Variants in OXR1 observed in about 807,000 individuals in gnomAD.
OXR1 encodes the protein oxidation resistance 1.
OXR1 carries 41 observed loss-of-function variants against 104.6 expected under a neutral mutation model. That is an observed-to-expected ratio of 0.39 (90% CI 0.31 to 0.51). OXR1 has a LOEUF of 0.51. Among genes scored for constraint, OXR1 ranks in the 20% least tolerant of loss-of-function variants. The probability of loss-of-function intolerance (pLI) is 0.77; values close to 1 mark genes in which losing one functional copy is unlikely to be tolerated. For missense variants in OXR1, 955 were observed against 1,031.9 expected, an observed-to-expected ratio of 0.93 and a Z score of 1.02; for synonymous variants, 348 against 348.4, an observed-to-expected ratio of 1.00 and a Z score of 0.01.
intron 6 of OXR1, among the ~76,000 whole-genome samples, chr8:106,690,072 T>C (rs1256237805): frequency 1.3e-5 from 2 of 150,952 alleles, no homozygotes; most frequent in Admixed American, 6.6e-5. Flanking sequence ...TATTATATGT[T>C]ATATATAAAA....
At chr8:106,644,913 T>A (rs894362108) in intron 3 of OXR1, among the ~76,000 whole-genome samples, 1 of 152,248 alleles carries the variant, frequency 6.6e-6, no homozygotes, top group Non-Finnish European at 1.5e-5. Flanking sequence ...TGGAGAATTT[T>A]AATTTTTTAA....
intron 3 of OXR1, among the ~76,000 whole-genome samples, chr8:106,673,492 GT>G (rs1254212195): frequency 6.6e-6 from 1 of 152,184 alleles, no homozygotes; most frequent in Non-Finnish European, 1.5e-5. Flanking sequence ...GAGCTAAAAA[GT>G]TTGGACAACT....
chr8:106,570,803 T>C (rs9643024), intron 3 of OXR1, among the ~76,000 whole-genome samples: 96,495 of 151,970 alleles, frequency 0.63, 30,961 homozygotes, highest in South Asian at 0.75. Context: ...CTGTGAACAG[T>C]TGGGAACTTG....
At chr8:106,419,391 GAGTCTGTC>G (rs1818813449) in intron 2 of OXR1, among the ~76,000 whole-genome samples, 2 of 152,286 alleles carry the variant, frequency 1.3e-5, no homozygotes, top group Admixed American at 1.3e-4. Context: ...GTCACATGAT[GAGTCTGTC>G]AGCAGATCTG....
chr8:106,288,900 G>A lies in OXR1; in HGVS notation c.-139+18533G>A, dbSNP rs181277271. Among the ~76,000 whole-genome samples, 107 of 151,986 alleles carry A rather than the reference G, an allele frequency of 7.0e-4. 1 individual carries two copies. The highest frequency in any genetic ancestry group is 1.6e-3 in the Admixed American group (24 of 15,244). ...ATTCATTCGTTCTTTCATTCAGCAA[G>A]TATGTCGATTGTGCACTCTTTGCCA... is the stretch of plus-strand genomic sequence containing the variant. On this transcript the variant is annotated intron_variant, in intron 1 of 16. Coordinates refer to ENST00000517566, the MANE Select transcript of OXR1 (RefSeq NM_001198533.2).
At chr8:106,392,388 T>G (rs1363067871) in intron 2 of OXR1, among the ~76,000 whole-genome samples, 3 of 152,168 alleles carry the variant, frequency 2.0e-5, no homozygotes, top group Non-Finnish European at 4.4e-5. Context: ...TAAGTAAAGA[T>G]GTCAAGTAGG....
chr8:106,543,663 A>G (rs1380236067), intron 3 of OXR1, among the ~76,000 whole-genome samples: 1 of 152,204 alleles, frequency 6.6e-6, no homozygotes, highest in African/African-American at 2.4e-5. Flanking sequence ...CTACAAAGCT[A>G]TGGAAAGGGC....
intron 2 of OXR1, among the ~76,000 whole-genome samples, chr8:106,413,724 CTTT>C (rs147530944): frequency 8.2e-5 from 6 of 73,494 alleles, no homozygotes; most frequent in Admixed American, 1.4e-4. Context: ...GCTGTATCTA[CTTT>C]TTTTTTTTTT....
At chr8:106,685,343 A>G (rs1216269667) in intron 6 of OXR1, among the ~76,000 whole-genome samples, 1 of 152,182 alleles carries the variant, frequency 6.6e-6, no homozygotes, top group African/African-American at 2.4e-5. Flanking sequence ...TTCAAACCCT[A>G]AAGCAGAATG....
rs543630150 is a variant in OXR1, at chr8:106,346,101, C to A, written c.-138-13375C>A. Among the ~76,000 whole-genome samples the A allele has an allele frequency of 2.5e-5, 3 of 120,158 alleles. 1 individual carries two copies. The South Asian group carries it at 1.0e-3, about 41-fold the overall frequency. 78.8% of individuals were successfully genotyped at this position (120,158 alleles called of 152,430 possible). On this transcript the variant is annotated intron_variant, in intron 1 of 16. Coordinates refer to ENST00000517566, the MANE Select transcript of OXR1 (RefSeq NM_001198533.2). ...TGGGGTTGCAGCAGTTTATTCCACCCCCCCTACCGCCGCCAGTGAATTGAA... is the reference window on the plus strand; with the variant it reads ...TGGGGTTGCAGCAGTTTATTCCACCACCCCTACCGCCGCCAGTGAATTGAA...
In OXR1 at chr8:106,743,818, T is replaced by A. The variant is rs896610332; in HGVS notation, c.2412+1501T>A. ...TGCACACAAATGTTCATTGTAGCAC[T>A]ATTCACAATAGCAAAGACATGGAAT... is the stretch of plus-strand genomic sequence containing the variant. On this transcript the variant is annotated intron_variant, in intron 15 of 16. Transcript: ENST00000517566. Among the ~76,000 whole-genome samples the A allele has an allele frequency of 7.2e-5, 11 of 152,216 alleles. 1 individual carries two copies. The South Asian group carries it at 2.3e-3, about 32-fold the overall frequency.
intron 2 of OXR1, among the ~76,000 whole-genome samples, chr8:106,450,552 C>T (rs1347789199): frequency 3.3e-5 from 5 of 152,104 alleles, no homozygotes; most frequent in South Asian, 2.1e-4. Context: ...TTGCCTAGGA[C>T]ATTCTCCCTA....
At chr8:106,591,121 G>A (rs1440590131) in intron 3 of OXR1, among the ~76,000 whole-genome samples, 10 of 151,804 alleles carry the variant, frequency 6.6e-5, no homozygotes. Flanking sequence ...AAAAGGATGA[G>A]TTCTTGTCCT....
At chr8:106,360,106 G>A (rs1215316642) in intron 2 of OXR1, among the ~76,000 whole-genome samples, 1 of 151,994 alleles carries the variant, frequency 6.6e-6, no homozygotes, top group Non-Finnish European at 1.5e-5. Flanking sequence ...AGAAAAATTT[G>A]TTATAGATGC....
chr8:106,699,734 T>C (rs777886989), intron 7 of OXR1, among the ~76,000 whole-genome samples: 4 of 152,210 alleles, frequency 2.6e-5, no homozygotes, highest in Non-Finnish European at 4.4e-5. Context: ...TCCCTTGTTA[T>C]AGGCTGGCTC....
intron 7 of OXR1, among the ~76,000 whole-genome samples, chr8:106,694,200 G>C (rs1050202521): frequency 1.3e-5 from 2 of 151,416 alleles, no homozygotes; most frequent in Non-Finnish European, 2.9e-5. Context: ...TGTGTGCACT[G>C]TAAGAGACAC....
intron 2 of OXR1, among the ~76,000 whole-genome samples, chr8:106,461,456 A>G (rs1310584734): frequency 6.6e-6 from 1 of 152,076 alleles, no homozygotes; most frequent in Non-Finnish European, 1.5e-5. Context: ...CTGTAATCCC[A>G]GCTACTCAGG....
At chr8:106,389,069 C>G (rs1330018638) in intron 2 of OXR1, among the ~76,000 whole-genome samples, 1 of 152,176 alleles carries the variant, frequency 6.6e-6, no homozygotes. Flanking sequence ...TCATAGCACT[C>G]TAGAGCTTTT....
intron 3 of OXR1, among the ~76,000 whole-genome samples, chr8:106,622,963 T>C (rs1045325175): frequency 1.3e-5 from 2 of 152,218 alleles, no homozygotes; most frequent in African/African-American, 4.8e-5. Flanking sequence ...GGTACAATTA[T>C]TACCCCCATT....
Sources: allele counts gnomAD v4.1 joint callset (sites outside exome capture counted in the v4.1 genomes callset), GRCh38; gene constraint gnomAD v4.1.1; transcripts MANE v1.5; gene names NCBI Gene and HGNC (gene_info 2026-07-23, HGNC 2026-07-21).